Variants in MNAT1 observed in about 807,000 individuals in gnomAD.
The protein encoded by MNAT1 is MNAT1 component of CDK activating kinase.
MNAT1 carries 43 observed loss-of-function variants against 42.0 expected under a neutral mutation model. That is an observed-to-expected ratio of 1.02 (90% CI 0.80 to 1.32). The LOEUF (loss-of-function observed/expected upper bound fraction) is 1.32. Ranked by LOEUF, MNAT1 falls within the 40% of genes most tolerant of loss-of-function variation. MNAT1 has a pLI of 0.00. For synonymous variants in MNAT1, 118 were observed against 120.0 expected (o/e 0.98, Z 0.11); for missense variants, 306 against 350.4 (o/e 0.87, Z 1.01).
chr14:60,872,103 T>C (rs2034337769), intron 6 of MNAT1, among the ~76,000 whole-genome samples: 1 of 152,172 alleles, frequency 6.6e-6, no homozygotes. Flanking sequence ...AGATGTTTAT[T>C]TGGCTCATGG....
intron 6 of MNAT1, among the ~76,000 whole-genome samples, chr14:60,834,178 C>G (rs2033307842): frequency 6.6e-6 from 1 of 152,052 alleles, no homozygotes; most frequent in Non-Finnish European, 1.5e-5. Context: ...TCCTTTAGTT[C>G]TGCTCTGATC....
intron 7 of MNAT1, among the ~76,000 whole-genome samples, chr14:60,954,698 A>C (rs1334591234): frequency 1.3e-5 from 2 of 152,138 alleles, no homozygotes; most frequent in African/African-American, 4.8e-5. Context: ...AGACAATGTA[A>C]CTTTTCCTAT....
At chr14:60,867,270 C>G (rs192630337) in intron 6 of MNAT1, among the ~76,000 whole-genome samples, 2 of 152,036 alleles carry the variant, frequency 1.3e-5, no homozygotes, top group Non-Finnish European at 2.9e-5. Flanking sequence ...GGTGCTGTGT[C>G]TGCAGGATGA....
chr14:60,961,399 C>T lies in MNAT1; in HGVS notation c.810-6830C>T, dbSNP rs4151398. Among the ~76,000 whole-genome samples, 4 of 152,196 alleles carry T rather than the reference C, an allele frequency of 2.6e-5. No individual in the cohort carries two copies. The East Asian group carries it at 5.8e-4, about 22-fold the overall frequency. On this transcript the variant is annotated intron_variant, in intron 7 of 7. Coordinates refer to ENST00000261245, the MANE Select transcript of MNAT1 (RefSeq NM_002431.4). Reference sequence around the variant, plus strand: ...CTAGCCTCATCCTGAGCTGAAACCACCTGTCCCCTATATTCTCAATATGTA... The same window carrying T: ...CTAGCCTCATCCTGAGCTGAAACCATCTGTCCCCTATATTCTCAATATGTA...
At chr14:60,894,162 T>C (rs1399661873) in intron 7 of MNAT1, among the ~76,000 whole-genome samples, 1 of 152,026 alleles carries the variant, frequency 6.6e-6, no homozygotes, top group Non-Finnish European at 1.5e-5. Context: ...CTTTCCTCAG[T>C]GGTTGGTTTC....
In MNAT1 at chr14:60,808,337, C is replaced by T. The variant is rs919824522; in HGVS notation, c.329C>T (p.Thr110Ile). The stretch of plus-strand genomic sequence containing the variant: ...CTTTCTAATGCAGTTTTCAACTTGA[C>T]CAACAATGTGGATTTGGACAACACC... ...EEVEEIVFNL[T>I]NNVDLDNTKK... The change falls in exon 4 of 8, where the codon ACC becomes ATC. Residue 110 changes from threonine (T) to isoleucine (I), a missense_variant. Coordinates refer to ENST00000261245, the MANE Select transcript of MNAT1 (RefSeq NM_002431.4). The T allele has an allele frequency of 1.9e-6, 3 of 1,568,802 alleles. No individual in the cohort carries two copies. The highest frequency in any genetic ancestry group is 2.6e-6 in the Non-Finnish European group (3 of 1,163,854).
At chr14:60,807,930 G>T (rs1056465601) in intron 3 of MNAT1, among the ~76,000 whole-genome samples, 9 of 151,954 alleles carry the variant, frequency 5.9e-5, no homozygotes, top group Non-Finnish European at 1.5e-5. Context: ...AAAAATATAT[G>T]ATTTTTTAAC....
chr14:60,844,604 A>G (rs928023346), intron 6 of MNAT1, among the ~76,000 whole-genome samples: 5 of 151,928 alleles, frequency 3.3e-5, no homozygotes, highest in Admixed American at 6.5e-5. Context: ...TAGATTTTTT[A>G]GGATTGTTTA....
chr14:60,796,158 A>C (rs1432817469), intron 1 of MNAT1, 59 bp from the exon 2 acceptor site: 3 of 1,497,582 alleles, frequency 2.0e-6, no homozygotes, highest in Non-Finnish European at 1.8e-6. Flanking sequence ...CAAACTATTC[A>C]GATGTGTTGT....
chr14:60,848,631 G>A (rs973082152), intron 6 of MNAT1, among the ~76,000 whole-genome samples: 3 of 151,932 alleles, frequency 2.0e-5, no homozygotes, highest in South Asian at 2.1e-4. Context: ...ATGTTGTGGC[G>A]TTATGTACTG....
intron 7 of MNAT1, among the ~76,000 whole-genome samples, chr14:60,935,052 A>C (rs562981111): frequency 6.6e-6 from 1 of 152,346 alleles, no homozygotes; most frequent in East Asian, 1.9e-4. Context: ...AAGTAGCCTA[A>C]CTTCTTTAAT....
intron 7 of MNAT1, among the ~76,000 whole-genome samples, chr14:60,943,086 C>T (rs1485873583): frequency 9.8e-6 from 1 of 102,178 alleles, no homozygotes; most frequent in African/African-American, 3.8e-5. Flanking sequence ...CGGAGTCTTG[C>T]TCTTGTCACC....
intron 7 of MNAT1, among the ~76,000 whole-genome samples, chr14:60,904,473 C>G (rs949663638): frequency 6.6e-5 from 10 of 152,026 alleles, no homozygotes; most frequent in African/African-American, 2.2e-4. Context: ...TCTAGTCTTG[C>G]AAGTTTTAAA....
chr14:60,747,136 C>A (rs1896661944), intron 1 of MNAT1, among the ~76,000 whole-genome samples: 2 of 150,770 alleles, frequency 1.3e-5, no homozygotes, highest in Admixed American at 6.6e-5. Flanking sequence ...AGGTGCCCGC[C>A]ACCACGCCCG....
At chr14:60,877,993 T>C (rs888500766) in intron 6 of MNAT1, among the ~76,000 whole-genome samples, 2 of 152,070 alleles carry the variant, frequency 1.3e-5, no homozygotes, top group African/African-American at 2.4e-5. Flanking sequence ...CTTCAGAGAA[T>C]AGATATTTAT....
intron 7 of MNAT1, among the ~76,000 whole-genome samples, chr14:60,931,862 A>G (rs2035892671): frequency 6.6e-6 from 1 of 151,990 alleles, no homozygotes; most frequent in Admixed American, 6.6e-5. Context: ...TTTTTTTTAA[A>G]AAAACAATGG....
chr14:60,909,116 C>A (rs984817500), intron 7 of MNAT1, among the ~76,000 whole-genome samples: 1 of 152,166 alleles, frequency 6.6e-6, no homozygotes, highest in South Asian at 2.1e-4. Context: ...CTGCATAAAT[C>A]TCTTCTTTTG....
chr14:60,805,031 A>G (rs927265182), intron 3 of MNAT1, among the ~76,000 whole-genome samples: 2 of 152,174 alleles, frequency 1.3e-5, no homozygotes, highest in South Asian at 2.1e-4. Context: ...TAAGAAACCA[A>G]GATAATTTAG....
chr14:60,866,741 C>T (rs1374018598), intron 6 of MNAT1, among the ~76,000 whole-genome samples: 1 of 151,898 alleles, frequency 6.6e-6, no homozygotes, highest in Non-Finnish European at 1.5e-5. Flanking sequence ...TATTAAATAT[C>T]CAGAGTTTAG....
Sources: gnomAD v4.1 joint callset for allele counts (sites outside exome capture counted in the v4.1 genomes callset) on GRCh38, gnomAD v4.1.1 for gene constraint, MANE v1.5 for transcripts, NCBI Gene and HGNC (gene_info 2026-07-23, HGNC 2026-07-21) for gene names.